The following SASH1 variants were observed in gnomAD, a reference collection of about 807,000 sequenced individuals.
SASH1 encodes the protein SAM and SH3 domain-containing protein 1.
Under a neutral mutation model 125.2 loss-of-function variants are expected in SASH1, and 44 were observed. The observed-to-expected ratio is 0.35, with a 90% CI of 0.28 to 0.45. The LOEUF is 0.45. Among genes scored for constraint, SASH1 ranks in the 20% least tolerant of loss-of-function variants. SASH1 has a pLI of 1.00. For missense variants in SASH1, 1,426 were observed against 1,614.5 expected, an observed-to-expected ratio of 0.88 and a Z score of 2.00; for synonymous variants, 639 against 649.1, an observed-to-expected ratio of 0.98 and a Z score of 0.24.
upstream of SASH1, among the ~76,000 whole-genome samples, chr6:148,270,534 C>T (rs916298827): frequency 6.6e-6 from 1 of 152,104 alleles, no homozygotes; most frequent in Non-Finnish European, 1.5e-5. Context: ...ATCTAATTTA[C>T]ATAAGGTAGT....
chr6:148,482,723 C>G (rs1386866321), intron 7 of SASH1, among the ~76,000 whole-genome samples: 2 of 114,110 alleles, frequency 1.8e-5, no homozygotes, highest in Admixed American at 2.0e-4. Flanking sequence ...GAGTCTTGCT[C>G]TGTCGCCCAG....
rs577078063 is a variant in SASH1, at chr6:148,304,367, A to G, written n.74+31990A>G. 3.3e-5 allele frequency among the ~76,000 whole-genome samples: 5 copies of G among 151,790 alleles called. No homozygotes were observed. In the East Asian group the frequency reaches 9.7e-4, roughly 30 times the overall value. ...GGAGAATGGTGTGAACCCGGGAGGCAGAGCTTGCAGTGAGCCAAGATCGCG... is the reference window on the plus strand; with the variant it reads ...GGAGAATGGTGTGAACCCGGGAGGCGGAGCTTGCAGTGAGCCAAGATCGCG... On this transcript the variant is annotated intron_variant and non_coding_transcript_variant, in intron 1 of 3. Coordinates refer to the SASH1 transcript ENST00000367469.
chr6:148,440,123 T>G, intron 2 of SASH1, 61 bp from the exon 3 acceptor site: 3 of 1,504,734 alleles, frequency 2.0e-6, no homozygotes, highest in African/African-American at 1.4e-5. Context: ...CATGTCTATT[T>G]GTCTTTCTCG....
At chr6:148,461,757 C>A (rs748108411) in intron 4 of SASH1, among the ~76,000 whole-genome samples, 7 of 152,094 alleles carry the variant, frequency 4.6e-5, no homozygotes, top group Non-Finnish European at 1.0e-4. Context: ...TGTTTCATAT[C>A]TATTTCTCTT....
At chr6:148,482,337 T>G (rs993340761) in intron 7 of SASH1, among the ~76,000 whole-genome samples, 28 of 152,158 alleles carry the variant, frequency 1.8e-4, no homozygotes, top group African/African-American at 6.3e-4. Context: ...AAATAATTAT[T>G]TATACTAAAG....
chr6:148,318,458 A>C (rs1780539519), intron 1 of SASH1, among the ~76,000 whole-genome samples: 1 of 152,206 alleles, frequency 6.6e-6, no homozygotes, highest in Non-Finnish European at 1.5e-5. Context: ...TTTGTTCAAA[A>C]AATATTTATT....
intron 16 of SASH1, among the ~76,000 whole-genome samples, chr6:148,535,279 G>A (rs1781774843): frequency 6.6e-6 from 1 of 152,188 alleles, no homozygotes; most frequent in Non-Finnish European, 1.5e-5. Flanking sequence ...TCTGCACCAA[G>A]TGTCTGCAAG....
the SASH1 span, among the ~76,000 whole-genome samples, chr6:148,225,882 C>A: frequency 3.3e-5 from 5 of 152,176 alleles, no homozygotes; most frequent in Admixed American, 6.5e-5. Context: ...AAATGAGAAA[C>A]AGCAAATATT....
At chr6:148,343,479 C>T (rs879403561) in intron 1 of SASH1, among the ~76,000 whole-genome samples, 1 of 152,168 alleles carries the variant, frequency 6.6e-6, no homozygotes, top group Non-Finnish European at 1.5e-5. Flanking sequence ...ATCTGGGACA[C>T]CTGCTGACAT....
In SASH1 at chr6:148,483,305, T is replaced by C. The variant is rs773885942; in HGVS notation, c.628-4309T>C. ...GCTGCTATTTGGGGAACAAATAGAC[T>C]GAGAAATCACCTTCCCCACCCCTCC... On this transcript the variant is annotated intron_variant, in intron 7 of 19. Transcript: ENST00000367467. 3.7e-4 allele frequency among the ~76,000 whole-genome samples: 57 copies of C among 152,184 alleles called. 1 individual carries two copies. The highest frequency in any genetic ancestry group is 3.4e-3 in the Middle Eastern group (1 of 294).
At chr6:148,276,406 GGCA>G (rs1454849959) in intron 1 of SASH1, among the ~76,000 whole-genome samples, 7 of 152,120 alleles carry the variant, frequency 4.6e-5, no homozygotes, top group African/African-American at 1.7e-4. Context: ...TTCAGTTTGA[GGCA>G]GCATGTCAGT....
chr6:148,250,261 A>G, the SASH1 span, among the ~76,000 whole-genome samples: 1 of 152,156 alleles, frequency 6.6e-6, no homozygotes, highest in Non-Finnish European at 1.5e-5. Flanking sequence ...ACACGGAAGC[A>G]TTCATCTTTT....
the SASH1 span, among the ~76,000 whole-genome samples, chr6:148,223,642 T>C: frequency 6.6e-6 from 1 of 152,224 alleles, no homozygotes; most frequent in Non-Finnish European, 1.5e-5. Context: ...GTTTATTTTT[T>C]TAACTAGAGG....
chr6:148,355,361 G>A (rs1040313047), intron 1 of SASH1, among the ~76,000 whole-genome samples: 10 of 152,152 alleles, frequency 6.6e-5, no homozygotes, highest in Non-Finnish European at 4.4e-5. Context: ...CTGGAAGAGC[G>A]TCATAACACT....
At chr6:148,417,905 T>C (rs1212323698) in intron 2 of SASH1, among the ~76,000 whole-genome samples, 1 of 152,156 alleles carries the variant, frequency 6.6e-6, no homozygotes, top group Non-Finnish European at 1.5e-5. Context: ...ATGATAACTT[T>C]GATGATGATG....
chr6:148,303,171 G>C (rs1780020169), intron 1 of SASH1, among the ~76,000 whole-genome samples: 1 of 151,586 alleles, frequency 6.6e-6, no homozygotes, highest in African/African-American at 2.4e-5. Flanking sequence ...GTAGAAACAG[G>C]GTTTCACCAT....
At chr6:148,302,418 A>G (rs1779988419) in intron 1 of SASH1, among the ~76,000 whole-genome samples, 1 of 151,362 alleles carries the variant, frequency 6.6e-6, no homozygotes, top group Non-Finnish European at 1.5e-5. Flanking sequence ...CCATTTTAAC[A>G]TTAGAAGGGA....
chr6:148,205,364 G>A, the SASH1 span, among the ~76,000 whole-genome samples: 1 of 152,096 alleles, frequency 6.6e-6, no homozygotes, highest in African/African-American at 2.4e-5. Context: ...TGCCTTCAGG[G>A]TGCATTAGAT....
chr6:148,283,633 G>A (rs1779405145), intron 1 of SASH1, among the ~76,000 whole-genome samples: 1 of 152,098 alleles, frequency 6.6e-6, no homozygotes, highest in African/African-American at 2.4e-5. Context: ...AATTAGCTGG[G>A]TGTGGTGGCA....
Sources: gnomAD v4.1 joint callset for allele counts (sites outside exome capture counted in the v4.1 genomes callset) on GRCh38, gnomAD v4.1.1 for gene constraint, MANE v1.5 for transcripts, NCBI Gene and HGNC (gene_info 2026-07-23, HGNC 2026-07-21) for gene names.